Variants in OR1J2 observed in about 807,000 individuals in gnomAD.
OR1J2 encodes olfactory receptor family 1 subfamily J member 2.
For synonymous variants in OR1J2, 142 were observed against 99.7 expected (o/e 1.42, Z -2.52); for missense variants, 304 against 246.1 (o/e 1.24, Z -1.57).
chr9:122,512,086 A>G (rs575094433), downstream of OR1J2, among the ~76,000 whole-genome samples: 1 of 152,206 alleles, frequency 6.6e-6, no homozygotes, highest in African/African-American at 2.4e-5. Flanking sequence ...TTAACACAAC[A>G]TAGAATTGAA....
the OR1J2 span, among the ~76,000 whole-genome samples, chr9:122,465,656 C>T: frequency 6.6e-6 from 1 of 152,186 alleles, no homozygotes; most frequent in Non-Finnish European, 1.5e-5. Flanking sequence ...CTCAAAGCTT[C>T]TAAGTACATT....
At chr9:122,524,878 C>A in the OR1J2 span, among the ~76,000 whole-genome samples, 1 of 152,234 alleles carries the variant, frequency 6.6e-6, no homozygotes, top group South Asian at 2.1e-4. Context: ...GGCCTTAGAG[C>A]TCTCCTAGGA....
the OR1J2 span, chr9:122,567,479 C>T: frequency 8.2e-7 from 1 of 1,218,932 alleles, no homozygotes; most frequent in South Asian, 1.5e-5. Flanking sequence ...TGACTGTTCA[C>T]CAGAAACCAG....
Position 122,511,167 on chromosome 9 carries a change from A to G in OR1J2, c.366A>G (p.Arg122=). 1.4e-6 allele frequency: 1 copy of G among 717,140 alleles called. No homozygotes were observed. The highest frequency in any genetic ancestry group is 2.5e-6 in the Non-Finnish European group (1 of 392,602). 44.4% of individuals were successfully genotyped at this position (717,140 alleles called of 1,614,324 possible). Residue 122 remains arginine (R), a synonymous_variant, in exon 1 of 1, where the codon CGA becomes CGG. Coordinates refer to ENST00000335302, the MANE Select transcript of OR1J2 (RefSeq NM_054107.1). The part of the protein sequence containing the change: ...SFLITSMAYD[R]YVAICHPLHY... ...TTATTACATCAATGGCATATGACCG[A>G]TATGTTGCCATATGTCACCCTCTCC...
At chr9:122,515,352 T>TGTGTGTGTGTGTGTGTG (rs1828684886), downstream of OR1J2, among the ~76,000 whole-genome samples, 1 of 135,714 alleles carries the variant, frequency 7.4e-6, no homozygotes, top group African/African-American at 2.9e-5. Flanking sequence ...CAGGAGCAGG[T>TGTGTGTGTGTGTGTGTG]TGTGTGTGTG....
the OR1J2 span, among the ~76,000 whole-genome samples, chr9:122,487,354 A>G: frequency 6.6e-6 from 1 of 152,162 alleles, no homozygotes; most frequent in African/African-American, 2.4e-5. Context: ...ACACCAGAGA[A>G]TAATAATAAT....
chr9:122,536,321 T>C, the OR1J2 span, among the ~76,000 whole-genome samples: 1 of 152,208 alleles, frequency 6.6e-6, no homozygotes, highest in African/African-American at 2.4e-5. Context: ...AACAGTTCAA[T>C]GGCATATGAC....
the OR1J2 span, chr9:122,477,659 G>A: frequency 1.2e-6 from 2 of 1,614,124 alleles, no homozygotes; most frequent in Admixed American, 1.7e-5. Flanking sequence ...AAGACGGCTA[G>A]GTGCTGAGTC....
chr9:122,457,575 A>C, the OR1J2 span, among the ~76,000 whole-genome samples: 1 of 151,988 alleles, frequency 6.6e-6, no homozygotes, highest in Non-Finnish European at 1.5e-5. Flanking sequence ...TGGCCCATTC[A>C]TGGGAAAAAA....
At chr9:122,464,355 G>A in the OR1J2 span, among the ~76,000 whole-genome samples, 1 of 152,192 alleles carries the variant, frequency 6.6e-6, no homozygotes. Context: ...TAGCCGGTGA[G>A]CAGGGCTGAG....
At chr9:122,542,806 A>C in the OR1J2 span, among the ~76,000 whole-genome samples, 1 of 152,236 alleles carries the variant, frequency 6.6e-6, no homozygotes, top group African/African-American at 2.4e-5. Flanking sequence ...GCGGCCAGCC[A>C]TCTGAATTCT....
chr9:122,519,759 A>C, the OR1J2 span: 1 of 1,614,124 alleles, frequency 6.2e-7, no homozygotes, highest in African/African-American at 1.3e-5. Context: ...ACAGGCAGTC[A>C]TTACTCTACC....
chr9:122,567,489 G>A, the OR1J2 span: 1 of 1,300,714 alleles, frequency 7.7e-7, no homozygotes, highest in Non-Finnish European at 1.1e-6. Flanking sequence ...CCAGAAACCA[G>A]TAGAAAACAC....
chr9:122,502,819 G>A, the OR1J2 span, among the ~76,000 whole-genome samples: 1 of 152,050 alleles, frequency 6.6e-6, no homozygotes, highest in African/African-American at 2.4e-5. Context: ...AGAGCAAAAA[G>A]TTCAAGATAC....
the OR1J2 span, among the ~76,000 whole-genome samples, chr9:122,560,163 T>C: frequency 6.6e-6 from 1 of 152,204 alleles, no homozygotes; most frequent in African/African-American, 2.4e-5. Flanking sequence ...CTCTTTTTTT[T>C]TGCTTTCCAT....
the OR1J2 span, among the ~76,000 whole-genome samples, chr9:122,518,598 A>G: frequency 2.0e-5 from 3 of 152,148 alleles, no homozygotes; most frequent in Non-Finnish European, 4.4e-5. Flanking sequence ...TACTTTTTTT[A>G]TGGCAGTGAT....
the OR1J2 span, among the ~76,000 whole-genome samples, chr9:122,558,519 T>C: frequency 1.3e-5 from 2 of 151,804 alleles, no homozygotes; most frequent in African/African-American, 4.8e-5. Context: ...ACTTCATACT[T>C]TCTGCAGTTA....
chr9:122,447,951 A>C, the OR1J2 span, among the ~76,000 whole-genome samples: 1 of 152,200 alleles, frequency 6.6e-6, no homozygotes, highest in African/African-American at 2.4e-5. Flanking sequence ...GCCCCTGCAC[A>C]CCTGTGGGTA....
chr9:122,492,608 T>A, the OR1J2 span, among the ~76,000 whole-genome samples: 85 of 152,296 alleles, frequency 5.6e-4, no homozygotes, highest in Non-Finnish European at 8.5e-4. Context: ...TAATTAACAT[T>A]TCCACTAACA....
Sources: allele counts gnomAD v4.1 joint callset (sites outside exome capture counted in the v4.1 genomes callset), GRCh38; gene constraint gnomAD v4.1.1; transcripts MANE v1.5; gene names NCBI Gene and HGNC (gene_info 2026-07-23, HGNC 2026-07-21).